The following EYS variants were observed in gnomAD, a reference collection of about 807,000 sequenced individuals.
EYS encodes EGF-like photoreceptor maintenance factor, also known as protein eyes shut homolog.
A neutral mutation model predicts 282.1 loss-of-function variants in EYS; 250 were observed. That is an observed-to-expected ratio of 0.89 (90% confidence interval 0.80 to 0.98). The LOEUF is 0.98. Ranked by LOEUF, EYS falls within the 50% of genes least tolerant of loss-of-function variation. The probability of loss-of-function intolerance (pLI) is 0.00; values close to 1 mark genes in which losing one functional copy is unlikely to be tolerated. For synonymous variants in EYS, 1,355 were observed against 1,282.9 expected, an observed-to-expected ratio of 1.06 and a Z score of -1.20; for missense variants, 4,016 against 3,709.0, an observed-to-expected ratio of 1.08 and a Z score of -2.15.
At chr6:65,374,551 G>A (rs939219493) in intron 8 of EYS, among the ~76,000 whole-genome samples, 1 of 149,222 alleles carries the variant, frequency 6.7e-6, no homozygotes, top group Non-Finnish European at 1.5e-5. Context: ...CAGTGAAAGA[G>A]AACCATTTAC....
chr6:64,813,884 C>T (rs1380451733), intron 21 of EYS, among the ~76,000 whole-genome samples: 2 of 151,992 alleles, frequency 1.3e-5, no homozygotes, highest in East Asian at 3.9e-4. Context: ...AGCAAATTTC[C>T]TCTGCAGATA....
chr6:64,029,653 A>C (rs1283531043), intron 33 of EYS, among the ~76,000 whole-genome samples: 1 of 152,182 alleles, frequency 6.6e-6, no homozygotes, highest in African/African-American at 2.4e-5. Context: ...ACTAATCTTG[A>C]CTTTAACCTA....
intron 36 of EYS, among the ~76,000 whole-genome samples, chr6:63,853,285 T>A (rs905693635): frequency 1.5e-4 from 23 of 152,176 alleles, no homozygotes; most frequent in South Asian, 2.1e-4. Context: ...TTCAGCAAAG[T>A]CTCAGAACAC....
At chr6:64,008,419 A>C (rs1292786654) in intron 33 of EYS, among the ~76,000 whole-genome samples, 1 of 151,996 alleles carries the variant, frequency 6.6e-6, no homozygotes, top group African/African-American at 2.4e-5. Flanking sequence ...TCTTTATCCA[A>C]CTTGCTACTG....
intron 14 of EYS, among the ~76,000 whole-genome samples, chr6:64,972,801 C>T (rs2150111920): frequency 6.6e-6 from 1 of 152,154 alleles, no homozygotes; most frequent in Middle Eastern, 3.4e-3. Context: ...GTGCCCCCAA[C>T]ACCCACATTG....
chr6:64,199,075 G>A (rs1765384927), intron 31 of EYS, among the ~76,000 whole-genome samples: 1 of 152,018 alleles, frequency 6.6e-6, no homozygotes, highest in Non-Finnish European at 1.5e-5. Flanking sequence ...TCTCTAATGA[G>A]CAGTGACTAC....
intron 34 of EYS, among the ~76,000 whole-genome samples, chr6:63,985,423 C>T (rs181365763): frequency 1.0e-3 from 152 of 151,718 alleles, no homozygotes; most frequent in Middle Eastern, 3.4e-3. Flanking sequence ...TGGTTTAAGC[C>T]ACCCAGTTTG....
At chr6:65,344,477 G>A (rs1254495787) in intron 9 of EYS, among the ~76,000 whole-genome samples, 2 of 151,396 alleles carry the variant, frequency 1.3e-5, no homozygotes, top group African/African-American at 4.8e-5. Flanking sequence ...TATAAGAAAG[G>A]ATGGTAGAAC....
rs139020846 is a variant in EYS, at chr6:65,355,132, A to C, written c.1300-1515T>G. 3.0e-3 allele frequency among the ~76,000 whole-genome samples: 457 copies of C among 152,202 alleles called. 2 individuals carry two copies. The highest frequency in any genetic ancestry group is 0.011 in the African/African-American group (440 of 41,528). ...AATAAACTTAGCAGAATAGTACATT[A>C]TTCATATTGATAGGATCCTGTAGAG... On this transcript the variant is annotated intron_variant, in intron 8 of 42. Transcript: ENST00000503581.
At chr6:65,376,095 C>A (rs1296163453) in intron 8 of EYS, among the ~76,000 whole-genome samples, 1 of 151,830 alleles carries the variant, frequency 6.6e-6, no homozygotes, top group South Asian at 2.1e-4. Flanking sequence ...AAGGTTGAAA[C>A]AAAGGAAAAA....
At chr6:64,398,686 A>G (rs1773456085) in intron 28 of EYS, among the ~76,000 whole-genome samples, 1 of 151,940 alleles carries the variant, frequency 6.6e-6, no homozygotes, top group Non-Finnish European at 1.5e-5. Context: ...TCTTGAGAAA[A>G]TATTTACACA....
intron 1 of EYS, among the ~76,000 whole-genome samples, chr6:65,646,814 G>A (rs1284183300): frequency 1.3e-5 from 2 of 152,162 alleles, no homozygotes; most frequent in Non-Finnish European, 2.9e-5. Context: ...GAATGACTCA[G>A]CAAAGTTTCA....
intron 5 of EYS, among the ~76,000 whole-genome samples, chr6:65,432,199 T>C (rs529464815): frequency 6.6e-6 from 1 of 152,298 alleles, no homozygotes; most frequent in South Asian, 2.1e-4. Flanking sequence ...TTGCAATAGC[T>C]GTTTTATAAA....
At chr6:64,003,818 T>A (rs1768210414) in intron 33 of EYS, among the ~76,000 whole-genome samples, 1 of 152,176 alleles carries the variant, frequency 6.6e-6, no homozygotes. Context: ...AGTGAGTCAG[T>A]TCTCATGAGA....
chr6:65,136,113 T>C (rs572980833), intron 12 of EYS, among the ~76,000 whole-genome samples: 4 of 152,136 alleles, frequency 2.6e-5, no homozygotes, highest in African/African-American at 9.6e-5. Context: ...TGTGGCCTTC[T>C]CCTTGAATTA....
chr6:65,317,825 CCTTTCTTTCTTTCTTT>C lies in EYS; in HGVS notation c.1766+17139_1766+17154del, dbSNP rs201156936. On this transcript the variant is annotated intron_variant, in intron 11 of 42. Transcript: ENST00000503581. ...TCCTTCCTTCCTTCCTTCCTTCCTT[CCTTTCTTTCTTTCTTT>C]CTTTCTTTCTTTCTTTCTTTCTTTC... is the stretch of plus-strand genomic sequence containing the variant. Among the ~76,000 whole-genome samples the C allele has an allele frequency of 5.4e-3, 440 of 81,136 alleles. 7 individuals are homozygous for C. Among genetic ancestry groups the C allele is most frequent in the Admixed American group, 7.5e-3 (61 of 8,096 alleles). 53.2% of individuals were successfully genotyped at this position (81,136 alleles called of 152,430 possible).
At chr6:65,439,716 C>T (rs962714036) in intron 5 of EYS, among the ~76,000 whole-genome samples, 1 of 152,086 alleles carries the variant, frequency 6.6e-6, no homozygotes, top group African/African-American at 2.4e-5. Flanking sequence ...TGAGACTTTG[C>T]TGAAGTTGCT....
At chr6:64,599,363 G>A (rs1766691781) in intron 24 of EYS, among the ~76,000 whole-genome samples, 1 of 152,040 alleles carries the variant, frequency 6.6e-6, no homozygotes, top group African/African-American at 2.4e-5. Context: ...TTGTATTCAG[G>A]GTATACGTGG....
At chr6:65,278,116 GC>G (rs1768107068) in intron 12 of EYS, among the ~76,000 whole-genome samples, 1 of 115,620 alleles carries the variant, frequency 8.6e-6, no homozygotes, top group Non-Finnish European at 1.9e-5. Context: ...GAGCCTGTTG[GC>G]CTGTGGACTG....
Sources: allele counts gnomAD v4.1 joint callset (sites outside exome capture counted in the v4.1 genomes callset), GRCh38; gene constraint gnomAD v4.1.1; transcripts MANE v1.5; gene names NCBI Gene and HGNC (gene_info 2026-07-23, HGNC 2026-07-21).